SLF1: variants seen among roughly 807,000 people sequenced by gnomAD.
SLF1 encodes SMC5/6 complex localization factor 1.
SLF1 carries 105 observed loss-of-function variants against 123.0 expected under a neutral mutation model. The ratio of observed to expected loss-of-function variants is 0.85; its 90% CI spans 0.73 to 1.00. The LOEUF (loss-of-function observed/expected upper bound fraction) is 1.00. Among genes scored for constraint, SLF1 ranks in the 50% least tolerant of loss-of-function variants. The pLI is 0.00. For synonymous variants in SLF1, 434 were observed against 406.6 expected (o/e 1.07, Z -0.81); for missense variants, 1,239 against 1,223.0 (o/e 1.01, Z -0.20).
chr5:94,678,912 CAT>C lies in SLF1; in HGVS notation c.1933_1934del (p.Met645ValfsTer2). On this transcript the variant is annotated frameshift_variant, in exon 15 of 21. Transcript: ENST00000265140. LOFTEE classifies it high-confidence loss of function. ...LKMGRNVMRH[M>X]SDDLGSYVSL... ...AGATGGGTAGAAATGTGATGCGACA[CAT>C]GTCTGATGACTTAGGAAGTTATGTT... The C allele has an allele frequency of 3.7e-6, 6 of 1,613,710 alleles. No individual in the cohort carries two copies. The highest frequency in any genetic ancestry group is 5.1e-6 in the Non-Finnish European group (6 of 1,179,820).
In SLF1 at chr5:94,689,562, C is replaced by T. The variant is rs1222992401; in HGVS notation, c.2375C>T (p.Pro792Leu). The T allele has an allele frequency of 1.9e-6, 3 of 1,609,966 alleles. No homozygotes were observed. The highest frequency in any genetic ancestry group is 1.7e-5 in the Admixed American group (1 of 59,690). Residue 792 changes from proline to leucine, a missense_variant, in exon 18 of 21, where the codon CCC (proline) becomes CTC (leucine). Transcript: ENST00000265140. Reference sequence around the variant, plus strand: ...TTGTCATGTTCCAAGGAGAATTGCCCCTCTGTAGTTAAAAAGATGAATTTT... The same window carrying T: ...TTGTCATGTTCCAAGGAGAATTGCCTCTCTGTAGTTAAAAAGATGAATTTT... ...GELSCSKENC[P>L]SVVKKMNFHK...
chr5:94,666,083 T>A (rs527314529), intron 12 of SLF1, 59 bp downstream of exon 12: 1 of 1,388,960 alleles, frequency 7.2e-7, no homozygotes, highest in Non-Finnish European at 9.6e-7. Flanking sequence ...ATGCTAATTA[T>A]TTTTTTAAGA....
chr5:94,639,576 A>T (rs1377817811), intron 4 of SLF1, among the ~76,000 whole-genome samples: 1 of 152,170 alleles, frequency 6.6e-6, no homozygotes, highest in Non-Finnish European at 1.5e-5. Flanking sequence ...GTGGGATTGG[A>T]GTGCTGACCC....
intron 15 of SLF1, among the ~76,000 whole-genome samples, chr5:94,685,532 TAATATTA>T (rs1752316869): frequency 6.6e-6 from 1 of 152,206 alleles, no homozygotes; most frequent in Non-Finnish European, 1.5e-5. Flanking sequence ...TAATAGTTTA[TAATATTA>T]AATAGATCAC....
chr5:94,685,013 C>A (rs943634666), intron 15 of SLF1, among the ~76,000 whole-genome samples: 1 of 152,214 alleles, frequency 6.6e-6, no homozygotes, highest in Non-Finnish European at 1.5e-5. Context: ...AATAGCATCC[C>A]TTTCCCCAAT....
intron 5 of SLF1, 84 bp from the exon 6 acceptor site, chr5:94,649,370 T>C (rs140259814): frequency 6.2e-6 from 7 of 1,124,954 alleles, no homozygotes; most frequent in Non-Finnish European, 8.3e-6. Context: ...CAAAGTATTA[T>C]AGTTAAAGTT....
Position 94,670,282 on chromosome 5 carries a change from A to C in SLF1, c.1661+3A>C. ...GAAGTACAACATCTGAGTCAAAAGT[A>C]AGTTCTAATCGCAAGAATAACACTT... On this transcript the variant is annotated splice_donor_region_variant and intron_variant, in intron 13 of 20. Transcript: ENST00000265140. The C allele has an allele frequency of 6.8e-7, 1 of 1,472,442 alleles. No individual in the cohort carries two copies. Among genetic ancestry groups the C allele is most frequent in the Non-Finnish European group, 9.0e-7 (1 of 1,116,422 alleles). The allele number at this position is 1,472,442 out of a possible 1,614,324, so 91.2% of individuals were successfully genotyped here. A position where few individuals can be genotyped will look rare whatever the true frequency, so the allele number is the denominator to read the frequency against.
intron 4 of SLF1, among the ~76,000 whole-genome samples, chr5:94,639,436 C>T (rs1342005565): frequency 1.3e-5 from 2 of 152,026 alleles, no homozygotes; most frequent in African/African-American, 2.4e-5. Context: ...TGTATTAGAT[C>T]TCTTTTTTTA....
chr5:94,650,153 T>C (rs1392994861), intron 6 of SLF1, among the ~76,000 whole-genome samples: 2 of 152,220 alleles, frequency 1.3e-5, no homozygotes, highest in Non-Finnish European at 2.9e-5. Context: ...TTATTAGTTC[T>C]GCTCTAGAAG....
chr5:94,696,757 T>G lies in SLF1; in HGVS notation c.*1445T>G, dbSNP rs1395908446. On this transcript the variant is annotated 3_prime_UTR_variant, in exon 21 of 21. Transcript: ENST00000265140. ...TCATACACATTTTCAAATCCTTGTC[T>G]AGTTTCTTAATAACTAAATTGCAAG... 2 of 151,906 alleles carry G rather than the reference T, an allele frequency of 1.3e-5. No individual in the cohort carries two copies. Among genetic ancestry groups the G allele is most frequent in the Non-Finnish European group, 2.9e-5 (2 of 67,904 alleles). 9.4% of individuals were successfully genotyped at this position (151,906 alleles called of 1,614,324 possible).
At chr5:94,626,724 C>T (rs935371254) in intron 1 of SLF1, among the ~76,000 whole-genome samples, 2 of 152,082 alleles carry the variant, frequency 1.3e-5, no homozygotes, top group African/African-American at 2.4e-5. Context: ...ACATAACCTC[C>T]GAATTGACTT....
intron 1 of SLF1, among the ~76,000 whole-genome samples, chr5:94,622,005 A>T (rs1226717486): frequency 6.6e-6 from 1 of 152,204 alleles, no homozygotes; most frequent in East Asian, 1.9e-4. Flanking sequence ...GCTGAATGAT[A>T]TTAAACCAAG....
intron 9 of SLF1, among the ~76,000 whole-genome samples, chr5:94,658,157 TTTTTG>T (rs1748639086): frequency 6.9e-6 from 1 of 143,986 alleles, no homozygotes; most frequent in East Asian, 2.1e-4. Flanking sequence ...AGTTGGGTGT[TTTTTG>T]TTTTTTTTTT....
At chr5:94,670,393 T>G in intron 13 of SLF1, 114 bp downstream of exon 13, 1 of 903,006 alleles carries the variant, frequency 1.1e-6, no homozygotes, top group Non-Finnish European at 1.6e-6. Flanking sequence ...ATTTTCTATT[T>G]TAAGATAGAT....
intron 4 of SLF1, among the ~76,000 whole-genome samples, 165 bp downstream of exon 4, chr5:94,630,908 A>G (rs779562794): frequency 6.6e-6 from 1 of 152,198 alleles, no homozygotes; most frequent in Non-Finnish European, 1.5e-5. Flanking sequence ...ATGTGTCTTT[A>G]ATAGAACAAA....
At chr5:94,642,314 G>A (rs1048897151) in intron 4 of SLF1, among the ~76,000 whole-genome samples, 12 of 152,134 alleles carry the variant, frequency 7.9e-5, no homozygotes, top group South Asian at 2.1e-4. Context: ...GCATTTAATG[G>A]AGTCATGTGG....
intron 7 of SLF1, among the ~76,000 whole-genome samples, chr5:94,652,212 T>G (rs1424775495): frequency 6.6e-6 from 1 of 152,120 alleles, no homozygotes; most frequent in Non-Finnish European, 1.5e-5. Flanking sequence ...GGTTTCACCA[T>G]GTTGGCCAGG....
Position 94,662,338 on chromosome 5 carries a change from T to A in SLF1, c.1196T>A (p.Val399Glu). The A allele has an allele frequency of 1.9e-6, 3 of 1,549,668 alleles. No individual in the cohort carries two copies. Among genetic ancestry groups the A allele is most frequent in the Non-Finnish European group, 2.6e-6 (3 of 1,145,932 alleles). The change falls in exon 10 of 21, where the codon GTG (valine) becomes GAG (glutamate). Residue 399 changes from valine (V) to glutamate (E), a missense_variant. Physicochemically the swap from Val to Glu is moderately radical, Grantham distance 121 (BLOSUM62 -2). Transcript: ENST00000265140. ...YNCIRIDKQP[V>E]YNVEVKNAEF... ...TGCATTAGAATAGATAAACAACCAG[T>A]GTACAACGTAGAGGTAAGGGGCTTG... is the stretch of plus-strand genomic sequence containing the variant.
chr5:94,628,726 G>C (rs1744887322), intron 1 of SLF1, 85 bp from the exon 2 acceptor site: 1 of 748,342 alleles, frequency 1.3e-6, no homozygotes, highest in African/African-American at 1.8e-5. Context: ...TTTATTTTTA[G>C]TACTCATAGT....
Sources: gnomAD v4.1 joint callset for allele counts (sites outside exome capture counted in the v4.1 genomes callset) on GRCh38, gnomAD v4.1.1 for gene constraint, MANE v1.5 for transcripts, NCBI Gene and HGNC (gene_info 2026-07-23, HGNC 2026-07-21) for gene names.